Variants in GRAMD1B observed in about 807,000 individuals in gnomAD.
The protein encoded by GRAMD1B is protein Aster-B.
GRAMD1B carries 37 observed loss-of-function variants against 99.7 expected under a neutral mutation model. That is an observed-to-expected ratio of 0.37 (90% CI 0.29 to 0.49). The LOEUF (loss-of-function observed/expected upper bound fraction) is 0.49, where lower values mean the gene tolerates loss of function less well. Ranked by LOEUF, GRAMD1B falls within the 20% of genes least tolerant of loss-of-function variation. The pLI, the probability that GRAMD1B is intolerant of heterozygous loss-of-function variation, is 0.98. For synonymous variants in GRAMD1B, 427 were observed against 387.6 expected, an observed-to-expected ratio of 1.10 and a Z score of -1.19; for missense variants, 888 against 1,009.2, an observed-to-expected ratio of 0.88 and a Z score of 1.63.
intron 1 of GRAMD1B, among the ~76,000 whole-genome samples, chr11:123,467,426 C>G (rs1261408582): frequency 1.2e-5 from 1 of 80,462 alleles, no homozygotes; most frequent in Non-Finnish European, 2.3e-5. Flanking sequence ...TACTGACTTT[C>G]ACTGGTTGTG....
At chr11:123,578,130 T>A (rs1490528639) in intron 3 of GRAMD1B, among the ~76,000 whole-genome samples, 1 of 152,146 alleles carries the variant, frequency 6.6e-6, no homozygotes, top group Non-Finnish European at 1.5e-5. Flanking sequence ...CCCATGGATA[T>A]GCCTAAAATA....
intron 1 of GRAMD1B, among the ~76,000 whole-genome samples, chr11:123,450,800 G>T (rs1949854894): frequency 6.6e-6 from 1 of 152,178 alleles, no homozygotes; most frequent in African/African-American, 2.4e-5. Context: ...GAGATGACAG[G>T]ATTAAGCTGG....
At chr11:123,486,564 A>AAAAAAAAAAAAAAAAAAAAG (rs779982778) in intron 2 of GRAMD1B, among the ~76,000 whole-genome samples, 1 of 147,628 alleles carries the variant, frequency 6.8e-6, no homozygotes, top group Non-Finnish European at 1.5e-5. Context: ...GAAAAAAAAA[A>AAAAAAAAAAAAAAAAAAAAG]AAAAACAAAA....
chr11:123,488,573 G>A (rs1938153783), intron 2 of GRAMD1B, among the ~76,000 whole-genome samples: 1 of 152,200 alleles, frequency 6.6e-6, no homozygotes, highest in Non-Finnish European at 1.5e-5. Context: ...CAAGAACAAG[G>A]CCATGGGGGT....
chr11:123,543,441 G>A (rs971332072), intron 2 of GRAMD1B, among the ~76,000 whole-genome samples: 1 of 152,230 alleles, frequency 6.6e-6, no homozygotes, highest in Non-Finnish European at 1.5e-5. Flanking sequence ...CATTGGTGTG[G>A]ACACCTTGGG....
intron 4 of GRAMD1B, among the ~76,000 whole-genome samples, chr11:123,588,642 C>G (rs1950305231): frequency 6.6e-6 from 1 of 152,178 alleles, no homozygotes; most frequent in African/African-American, 2.4e-5. Context: ...CGGGATAGGG[C>G]TGACATGCAG....
intron 1 of GRAMD1B, among the ~76,000 whole-genome samples, chr11:123,362,586 ACTAC>A (rs1318746514): frequency 6.6e-6 from 1 of 152,212 alleles, no homozygotes; most frequent in Non-Finnish European, 1.5e-5. Flanking sequence ...CCAGTGATGT[ACTAC>A]CTACCTACTC....
At chr11:123,533,735 T>C (rs1297697500) in intron 2 of GRAMD1B, among the ~76,000 whole-genome samples, 2 of 152,240 alleles carry the variant, frequency 1.3e-5, no homozygotes, top group African/African-American at 4.8e-5. Context: ...CCTCAGCCTA[T>C]GTTTTAAATC....
chr11:123,368,575 G>A (rs2135717144), intron 1 of GRAMD1B, among the ~76,000 whole-genome samples: 1 of 148,708 alleles, frequency 6.7e-6, no homozygotes, highest in South Asian at 2.1e-4. Context: ...AGCTACTTGG[G>A]AAGCTGAGGC....
intron 2 of GRAMD1B, among the ~76,000 whole-genome samples, chr11:123,535,399 G>A (rs886105941): frequency 1.3e-5 from 2 of 152,078 alleles, no homozygotes; most frequent in Non-Finnish European, 2.9e-5. Context: ...TAAAACTGAA[G>A]AGGTGATGCT....
chr11:123,557,054 T>C (rs576410402), intron 2 of GRAMD1B, among the ~76,000 whole-genome samples: 1 of 152,358 alleles, frequency 6.6e-6, no homozygotes, highest in Non-Finnish European at 1.5e-5. Context: ...AATAACCATG[T>C]ACTATAGGCA....
At chr11:123,395,761 G>A (rs1298630305) in intron 1 of GRAMD1B, among the ~76,000 whole-genome samples, 2 of 152,170 alleles carry the variant, frequency 1.3e-5, no homozygotes, top group African/African-American at 2.4e-5. Flanking sequence ...TGATTCCAAT[G>A]AATAGCCAAG....
At chr11:123,457,759 T>G (rs1043742383) in intron 1 of GRAMD1B, among the ~76,000 whole-genome samples, 3 of 152,192 alleles carry the variant, frequency 2.0e-5, no homozygotes, top group Non-Finnish European at 4.4e-5. Context: ...CTCTATCGCC[T>G]GGGCTGGAGT....
intron 2 of GRAMD1B, among the ~76,000 whole-genome samples, chr11:123,488,932 G>T (rs557315169): frequency 5.9e-5 from 9 of 152,064 alleles, no homozygotes; most frequent in Non-Finnish European, 8.8e-5. Flanking sequence ...AAATAGTTAG[G>T]GGGGGGCGGT....
chr11:123,451,655 C>T (rs1216050071), intron 1 of GRAMD1B, among the ~76,000 whole-genome samples: 1 of 152,140 alleles, frequency 6.6e-6, no homozygotes, highest in Non-Finnish European at 1.5e-5. Context: ...CTCCCCTGCT[C>T]CCCTTCCCAT....
chr11:123,531,729 G>A (rs529849681), intron 2 of GRAMD1B, among the ~76,000 whole-genome samples: 9 of 113,130 alleles, frequency 8.0e-5, no homozygotes, highest in Admixed American at 2.2e-4. Flanking sequence ...ATTGCTAGAT[G>A]GTTTTTTTTT....
intron 2 of GRAMD1B, among the ~76,000 whole-genome samples, chr11:123,485,329 G>A (rs1383367084): frequency 6.6e-6 from 1 of 152,066 alleles, no homozygotes; most frequent in Admixed American, 6.6e-5. Context: ...TTCTTTTCTT[G>A]CTTTTGTGTA....
At chr11:123,560,719 TGTGTG>T (rs1565374190) in intron 2 of GRAMD1B, 3 of 453,652 alleles carry the variant, frequency 6.6e-6, no homozygotes, top group African/African-American at 6.1e-5. Flanking sequence ...TGTGTGTGTG[TGTGTG>T]TGTGTGTGTG....
At chr11:123,495,872 T>C (rs973142243) in intron 2 of GRAMD1B, among the ~76,000 whole-genome samples, 1 of 152,194 alleles carries the variant, frequency 6.6e-6, no homozygotes, top group Non-Finnish European at 1.5e-5. Context: ...TTAATTTTGC[T>C]TTTTAGCTTT....
Sources: gnomAD v4.1 joint callset for allele counts (sites outside exome capture counted in the v4.1 genomes callset) on GRCh38, gnomAD v4.1.1 for gene constraint, MANE v1.5 for transcripts, NCBI Gene and HGNC (gene_info 2026-07-23, HGNC 2026-07-21) for gene names.